Variants in TBC1D19 observed in about 807,000 individuals in gnomAD.
TBC1D19 encodes the protein TBC1 domain family member 19, also known as TBC1 domain family, member 19.
In TBC1D19, 60 loss-of-function variants were observed where a neutral mutation model predicts 89.0. That is an observed-to-expected ratio of 0.67 (90% CI 0.55 to 0.84). TBC1D19 has a LOEUF of 0.84. Among genes scored for constraint, TBC1D19 ranks in the 40% least tolerant of loss-of-function variants. The probability of loss-of-function intolerance (pLI) is 0.00; values close to 1 mark genes in which losing one functional copy is unlikely to be tolerated. For missense variants in TBC1D19, 500 were observed against 610.8 expected (o/e 0.82, Z 1.91); for synonymous variants, 189 against 199.7 (o/e 0.95, Z 0.45).
intron 1 of TBC1D19, among the ~76,000 whole-genome samples, chr4:26,608,963 A>G (rs542668894): frequency 1.3e-4 from 19 of 148,076 alleles, no homozygotes; most frequent in African/African-American, 4.2e-4. Context: ...AAAAAACCAA[A>G]CACCGCATGT....
chr4:26,758,031 C>G (rs1197922420), downstream of TBC1D19, among the ~76,000 whole-genome samples: 3 of 152,160 alleles, frequency 2.0e-5, no homozygotes, highest in Non-Finnish European at 4.4e-5. Flanking sequence ...CCAGATATGG[C>G]TGTTTATTTT....
At chr4:26,700,379 T>A (rs906880311) in intron 13 of TBC1D19, among the ~76,000 whole-genome samples, 6 of 152,306 alleles carry the variant, frequency 3.9e-5, no homozygotes, top group African/African-American at 1.2e-4. Context: ...GAAATAAATA[T>A]TGAATGGCAT....
chr4:26,705,603 A>G lies in TBC1D19; in HGVS notation c.955-12330A>G, dbSNP rs138602411. Among the ~76,000 whole-genome samples the G allele has an allele frequency of 2.1e-3, 315 of 152,196 alleles. 2 individuals are homozygous for G. The highest frequency in any genetic ancestry group is 3.0e-3 in the Non-Finnish European group (205 of 68,002). On this transcript the variant is annotated intron_variant, in intron 13 of 20. Transcript: ENST00000264866. The stretch of plus-strand genomic sequence containing the variant: ...ACAAACCCTTGTTGTAAATCATTTG[A>G]CCGTATATTCAAGGTTTTATTTCTA...
At chr4:26,827,494 C>T in the TBC1D19 span, among the ~76,000 whole-genome samples, 5 of 152,008 alleles carry the variant, frequency 3.3e-5, no homozygotes, top group Admixed American at 2.0e-4. Context: ...GTTCCAACTA[C>T]GCAGGAGGCT....
intron 7 of TBC1D19, among the ~76,000 whole-genome samples, chr4:26,651,346 G>A (rs922231133): frequency 2.0e-5 from 3 of 152,178 alleles, no homozygotes; most frequent in African/African-American, 7.2e-5. Flanking sequence ...TCCTACCCAT[G>A]AGCATGGAAT....
At chr4:26,719,261 A>C (rs1449158708) in intron 14 of TBC1D19, among the ~76,000 whole-genome samples, 1 of 152,040 alleles carries the variant, frequency 6.6e-6, no homozygotes, top group Admixed American at 6.6e-5. Context: ...CTTCTTGCTC[A>C]CAAGATCAAT....
intron 1 of TBC1D19, among the ~76,000 whole-genome samples, chr4:26,592,346 A>G (rs1314342124): frequency 6.6e-6 from 1 of 152,240 alleles, no homozygotes; most frequent in Non-Finnish European, 1.5e-5. Context: ...CTCAAAAATA[A>G]TAAGAGCTGT....
At chr4:26,742,629 T>C (rs1432410850) in intron 18 of TBC1D19, 30 bp downstream of exon 18, 1 of 1,576,128 alleles carries the variant, frequency 6.3e-7, no homozygotes, top group East Asian at 2.2e-5. Context: ...AATTGAAGAA[T>C]AGATAGTTTC....
the TBC1D19 span, among the ~76,000 whole-genome samples, chr4:26,786,681 A>T: frequency 6.9e-6 from 1 of 145,912 alleles, no homozygotes. Context: ...AAGTAAATGG[A>T]TAGATAGCCA....
the TBC1D19 span, among the ~76,000 whole-genome samples, chr4:26,777,251 C>G: frequency 6.6e-6 from 1 of 151,496 alleles, no homozygotes. Context: ...TCTCCTGTCT[C>G]AGCCTCCTGA....
rs1739266185 is a variant in TBC1D19 at position 26,584,219 on chromosome 4, C to T, written c.26C>T (p.Ser9Phe). 3 of 1,612,586 alleles carry T rather than the reference C, an allele frequency of 1.9e-6. No homozygotes were observed. Among genetic ancestry groups the T allele is most frequent in the Non-Finnish European group, 2.5e-6 (3 of 1,179,606 alleles). ...ATGTTGCAGGAGGAGTCGGACCTCT[C>T]TCTCATTATTGCCCAGATAGTCCAA... is the stretch of plus-strand genomic sequence containing the variant. Reference protein sequence around the residue: MLQEESDLSLIIAQIVQKL... With the variant: MLQEESDLFLIIAQIVQKL... Residue 9 changes from serine to phenylalanine, a missense_variant, in exon 1 of 21, where the codon TCT (serine) becomes TTT (phenylalanine). Ser to Phe is a radical substitution (Grantham distance 155). Around this residue, in one of 2 missense-constraint regions of TBC1D19, gnomAD observed 280 missense variants for 291.7 expected, o/e 0.96. Transcript: ENST00000264866.
chr4:26,820,572 C>T, the TBC1D19 span, among the ~76,000 whole-genome samples: 1 of 152,196 alleles, frequency 6.6e-6, no homozygotes, highest in Non-Finnish European at 1.5e-5. Flanking sequence ...ATAAATACCA[C>T]ATTTTAAAAA....
the TBC1D19 span, among the ~76,000 whole-genome samples, chr4:26,852,683 G>C: frequency 6.6e-6 from 1 of 151,930 alleles, no homozygotes; most frequent in South Asian, 2.1e-4. Flanking sequence ...GCAGTGGTGC[G>C]ATCTTGGCTC....
At chr4:26,801,635 C>T in the TBC1D19 span, among the ~76,000 whole-genome samples, 1 of 152,154 alleles carries the variant, frequency 6.6e-6, no homozygotes, top group African/African-American at 2.4e-5. Context: ...TCTTCCTACC[C>T]ATGAGCATGG....
chr4:26,627,533 A>T (rs1577830724), intron 4 of TBC1D19, among the ~76,000 whole-genome samples: 3 of 152,144 alleles, frequency 2.0e-5, no homozygotes, highest in Admixed American at 6.6e-5. Context: ...CTATTTCTCC[A>T]CATCCTCTCC....
Position 26,754,892 on chromosome 4 carries a change from C to G in TBC1D19, c.1526C>G (p.Ser509Cys). The G allele has an allele frequency of 6.2e-7, 1 of 1,602,802 alleles. No individual in the cohort carries two copies. The highest frequency in any genetic ancestry group is 1.1e-5 in the South Asian group (1 of 89,766). Residue 509 changes from serine to cysteine, a missense_variant, in exon 21 of 21, where the codon TCT becomes TGT. Coordinates refer to ENST00000264866, the MANE Select transcript of TBC1D19 (RefSeq NM_018317.4). ...TTTCAGGCAGTTCTTGCTGACCTTT[C>G]TACTTTAAAAGTTATGCCTCTTCTT... ...AAAEAVLADL[S>C]TLKVMPLLQI...
At chr4:26,856,352 C>A in the TBC1D19 span, among the ~76,000 whole-genome samples, 1 of 152,026 alleles carries the variant, frequency 6.6e-6, no homozygotes, top group Non-Finnish European at 1.5e-5. Flanking sequence ...GTATATATAC[C>A]CTATTTTCCT....
intron 4 of TBC1D19, among the ~76,000 whole-genome samples, chr4:26,625,594 C>T (rs1204167936): frequency 1.3e-5 from 2 of 152,136 alleles, no homozygotes; most frequent in Admixed American, 6.6e-5. Flanking sequence ...TCATCCAGGA[C>T]ACTACATTAC....
chr4:26,735,981 A>T (rs567095881), intron 16 of TBC1D19, among the ~76,000 whole-genome samples: 3 of 147,354 alleles, frequency 2.0e-5, no homozygotes, highest in African/African-American at 7.5e-5. Flanking sequence ...TGTGGAAGTC[A>T]GTGTGGCGAT....
Sources: allele counts gnomAD v4.1 joint callset (sites outside exome capture counted in the v4.1 genomes callset), GRCh38; gene constraint gnomAD v4.1.1; regional missense constraint gnomAD v4.1.1; transcripts MANE v1.5; gene names NCBI Gene and HGNC (gene_info 2026-07-23, HGNC 2026-07-21).